NCAM1: variants seen among roughly 807,000 people sequenced by gnomAD.
NCAM1 encodes neural cell adhesion molecule 1, also known as antigen recognized by monoclonal antibody 5.1H11.
NCAM1 carries 14 observed loss-of-function variants against 109.8 expected under a neutral mutation model. That is an observed-to-expected ratio of 0.13 (90% CI 0.08 to 0.20). NCAM1 has a LOEUF of 0.20. NCAM1 is among the 10% of genes least tolerant of loss of function. The pLI is 1.00. For missense variants in NCAM1, 774 were observed against 1,109.9 expected (o/e 0.70, Z 4.30); for synonymous variants, 418 against 442.9 (o/e 0.94, Z 0.70).
intron 1 of NCAM1, among the ~76,000 whole-genome samples, chr11:112,968,933 C>T (rs1295622558): frequency 2.0e-5 from 3 of 152,128 alleles, no homozygotes; most frequent in Non-Finnish European, 4.4e-5. Flanking sequence ...CTTCAGGAAT[C>T]GTGTGGAGTT....
intron 16 of NCAM1, among the ~76,000 whole-genome samples, chr11:113,257,520 A>C (rs2137604315): frequency 6.6e-6 from 1 of 152,358 alleles, no homozygotes; most frequent in African/African-American, 2.4e-5. Flanking sequence ...GCTAAGAGGC[A>C]GGCTCAGGCT....
chr11:113,135,361 A>G (rs372112536), intron 1 of NCAM1, among the ~76,000 whole-genome samples: 12 of 152,222 alleles, frequency 7.9e-5, no homozygotes, highest in East Asian at 3.8e-4. Context: ...ATTTGAGAGT[A>G]TGTCCTAGAC....
intron 1 of NCAM1, among the ~76,000 whole-genome samples, chr11:113,009,179 C>G (rs575924368): frequency 6.6e-6 from 1 of 151,960 alleles, no homozygotes; most frequent in East Asian, 1.9e-4. Context: ...ATAGGACAGA[C>G]TCATGTAGGA....
At chr11:113,174,281 T>G (rs1373823583) in intron 1 of NCAM1, among the ~76,000 whole-genome samples, 1 of 152,206 alleles carries the variant, frequency 6.6e-6, no homozygotes, top group Admixed American at 6.5e-5. Context: ...TTGCTGGGGT[T>G]TCAGCCCTTA....
chr11:113,207,210 G>A (rs1944263353), intron 5 of NCAM1, 51 bp from the exon 6 acceptor site: 9 of 1,473,346 alleles, frequency 6.1e-6, no homozygotes, highest in Non-Finnish European at 8.5e-6. Context: ...CCAGGCCATT[G>A]GGTTCTTCCA....
intron 1 of NCAM1, among the ~76,000 whole-genome samples, chr11:113,025,643 A>T (rs1555077074): frequency 6.6e-6 from 1 of 151,910 alleles, no homozygotes; most frequent in African/African-American, 2.4e-5. Context: ...GATTCAGCCC[A>T]GGAGGCAGAG....
chr11:113,071,034 G>C (rs1482203758), intron 1 of NCAM1, among the ~76,000 whole-genome samples: 1 of 152,176 alleles, frequency 6.6e-6, no homozygotes, highest in African/African-American at 2.4e-5. Flanking sequence ...GGAATAGGCT[G>C]TGTGTGGTAG....
At chr11:113,004,756 A>G (rs1400716505) in intron 1 of NCAM1, among the ~76,000 whole-genome samples, 4 of 151,172 alleles carry the variant, frequency 2.6e-5, no homozygotes, top group East Asian at 3.9e-4. Context: ...TAGACACTCA[A>G]TGGGATTTTT....
At chr11:113,086,308 C>T (rs1939084888) in intron 1 of NCAM1, among the ~76,000 whole-genome samples, 1 of 152,188 alleles carries the variant, frequency 6.6e-6, no homozygotes, top group African/African-American at 2.4e-5. Context: ...CCAGAACTGA[C>T]AAAGTAGGGA....
At chr11:113,231,511 G>A (rs1188585386) in intron 9 of NCAM1, 134 bp from the exon 10 acceptor site, 2 of 989,820 alleles carry the variant, frequency 2.0e-6, no homozygotes, top group Admixed American at 2.4e-5. Context: ...CATTGACACA[G>A]AGAGGAGAGA....
intron 7 of NCAM1, among the ~76,000 whole-genome samples, chr11:113,210,009 G>A (rs1944342063): frequency 6.6e-6 from 1 of 152,142 alleles, no homozygotes; most frequent in Admixed American, 6.5e-5. Context: ...GACAGGGGCT[G>A]TGTCTGTTTT....
At chr11:113,194,247 T>C (rs1266152850) in intron 1 of NCAM1, among the ~76,000 whole-genome samples, 2 of 152,212 alleles carry the variant, frequency 1.3e-5, no homozygotes, top group South Asian at 2.1e-4. Flanking sequence ...TGTGAAGGGA[T>C]ATTCAATATC....
chr11:113,151,057 A>T (rs1315152422), intron 1 of NCAM1, among the ~76,000 whole-genome samples: 3 of 152,212 alleles, frequency 2.0e-5, no homozygotes, highest in African/African-American at 7.2e-5. Flanking sequence ...AGTATTGAGC[A>T]CAAAACTGTG....
intron 5 of NCAM1, among the ~76,000 whole-genome samples, chr11:113,206,466 A>T (rs1302508869): frequency 7.9e-6 from 1 of 126,774 alleles, no homozygotes; most frequent in Non-Finnish European, 1.8e-5. Flanking sequence ...TTACCTATTA[A>T]TCCTCATTGT....
At chr11:113,093,719 C>A (rs1245107) in intron 1 of NCAM1, among the ~76,000 whole-genome samples, 5,201 of 152,290 alleles carry the variant, frequency 0.034, 144 homozygotes, top group East Asian at 0.084. Flanking sequence ...GAAGTCATTC[C>A]ATTTCTGACT....
At chr11:113,081,961 A>G (rs1310103026) in intron 1 of NCAM1, among the ~76,000 whole-genome samples, 2 of 152,234 alleles carry the variant, frequency 1.3e-5, no homozygotes, top group East Asian at 1.9e-4. Context: ...TTTGTATGCC[A>G]TATACAAATA....
chr11:113,167,208 G>A (rs1555105424), intron 1 of NCAM1, among the ~76,000 whole-genome samples: 2 of 152,160 alleles, frequency 1.3e-5, no homozygotes, highest in African/African-American at 2.4e-5. Flanking sequence ...TTCATCACTG[G>A]CCTTCAATTT....
rs552972023 is a variant in NCAM1, at chr11:113,104,442, G to C, written c.53-97937G>C. Reference sequence around the variant, plus strand: ...AGATCATGATGAAATATGTGTGAATGAGTATAATGCATTTGAAACTTATCT... The same window carrying C: ...AGATCATGATGAAATATGTGTGAATCAGTATAATGCATTTGAAACTTATCT... On this transcript the variant is annotated intron_variant, in intron 1 of 19. Transcript: ENST00000316851. Among the ~76,000 whole-genome samples, 16 of 151,980 alleles carry C rather than the reference G, an allele frequency of 1.1e-4. No individual in the cohort carries two copies. In the South Asian group the frequency reaches 3.1e-3, roughly 30 times the overall value.
intron 1 of NCAM1, among the ~76,000 whole-genome samples, chr11:113,030,233 T>A (rs1952673974): frequency 6.6e-6 from 1 of 152,192 alleles, no homozygotes; most frequent in Non-Finnish European, 1.5e-5. Context: ...TTATAAACAC[T>A]AAACAAGTGC....
Sources: gnomAD v4.1 joint callset for allele counts (sites outside exome capture counted in the v4.1 genomes callset) on GRCh38, gnomAD v4.1.1 for gene constraint, MANE v1.5 for transcripts, NCBI Gene and HGNC (gene_info 2026-07-23, HGNC 2026-07-21) for gene names.